RORA: variants seen among roughly 807,000 people sequenced by gnomAD.
RORA encodes the protein RAR related orphan receptor A.
Under a neutral mutation model 69.5 loss-of-function variants are expected in RORA, and 7 were observed. That is an observed-to-expected ratio of 0.10 (90% CI 0.06 to 0.19). The LOEUF (loss-of-function observed/expected upper bound fraction) is 0.19. RORA is among the 10% of genes least tolerant of loss of function. The probability of loss-of-function intolerance (pLI) is 1.00; values close to 1 mark genes in which losing one functional copy is unlikely to be tolerated. For synonymous variants in RORA, 261 were observed against 240.8 expected (o/e 1.08, Z -0.78); for missense variants, 457 against 663.0 (o/e 0.69, Z 3.41).
At chr15:61,044,413 C>T (rs1335271836) in intron 1 of RORA, among the ~76,000 whole-genome samples, 1 of 152,184 alleles carries the variant, frequency 6.6e-6, no homozygotes, top group Non-Finnish European at 1.5e-5. Flanking sequence ...TGTGCTAATA[C>T]AGTGGCTACC....
At chr15:60,947,097 T>C (rs1892911573) in intron 1 of RORA, among the ~76,000 whole-genome samples, 1 of 144,950 alleles carries the variant, frequency 6.9e-6, no homozygotes, top group Admixed American at 6.9e-5. Context: ...AGCCGCCCTG[T>C]CCGGGAGGGA....
In RORA at chr15:61,147,262, G is replaced by T. The variant is rs575443906; in HGVS notation, c.166+81791C>A. ...AAGAGAACCGTAAAGGTGGAAAGGG[G>T]CATTAAAGGAGCTCAGATGCCAGAC... On this transcript the variant is annotated intron_variant, in intron 1 of 10. Coordinates refer to ENST00000335670, the MANE Select transcript of RORA (RefSeq NM_134261.3). This position sits in a 1 kb window ranked among gnomAD's most constrained non-coding sequence, Gnocchi z 4.1. 5.9e-5 allele frequency among the ~76,000 whole-genome samples: 9 copies of T among 152,322 alleles called. No homozygotes were observed. In the South Asian group the frequency reaches 8.3e-4, roughly 14 times the overall value.
chr15:61,221,387 A>T (rs1365135371), intron 1 of RORA, among the ~76,000 whole-genome samples: 2 of 151,756 alleles, frequency 1.3e-5, no homozygotes, highest in Non-Finnish European at 2.9e-5. Flanking sequence ...CCCTCATTCT[A>T]TTTCACCTCT....
chr15:60,908,876 C>CT (rs1891621123), intron 1 of RORA, among the ~76,000 whole-genome samples: 9 of 151,442 alleles, frequency 5.9e-5, no homozygotes, highest in African/African-American at 2.2e-4. Flanking sequence ...TATTTCATTT[C>CT]ATTTTTTTTT....
At chr15:60,895,591 C>A (rs1333562906) in intron 1 of RORA, among the ~76,000 whole-genome samples, 1 of 149,404 alleles carries the variant, frequency 6.7e-6, no homozygotes, top group Non-Finnish European at 1.5e-5. Context: ...AGCTCGGCAT[C>A]TTGTGGGAGC....
At chr15:61,092,014 C>T (rs2078715102) in intron 1 of RORA, among the ~76,000 whole-genome samples, 1 of 152,046 alleles carries the variant, frequency 6.6e-6, no homozygotes, top group Non-Finnish European at 1.5e-5. Flanking sequence ...AACAATTGAA[C>T]AAACCAAGAT....
At chr15:60,924,054 T>G (rs1191743689) in intron 1 of RORA, among the ~76,000 whole-genome samples, 6 of 152,166 alleles carry the variant, frequency 3.9e-5, no homozygotes, top group African/African-American at 1.4e-4. Flanking sequence ...CACTGAAAAC[T>G]TCCCAAGTGG....
Position 61,066,418 on chromosome 15 carries a change from CTTTTTTTTTTTT to C in RORA, c.166+162623_166+162634del, listed in dbSNP as rs1168663714. On this transcript the variant is annotated intron_variant, in intron 1 of 10. Transcript: ENST00000335670. ...AATTGTGGGAAGACAGGGCATATTC[CTTTTTTTTTTTT>C]TTTTTTTTTTTTTGAGATGGAGTTT... is the stretch of plus-strand genomic sequence containing the variant. Among the ~76,000 whole-genome samples the C allele has an allele frequency of 5.9e-4, 48 of 80,972 alleles. 1 individual carries two copies. Among genetic ancestry groups the C allele is most frequent in the African/African-American group, 1.9e-3 (39 of 20,412 alleles). The allele number at this position is 80,972 out of a possible 152,430, so 53.1% of individuals were successfully genotyped here.
rs576337072 is a variant in RORA at position 61,189,958 on chromosome 15, G to A, written c.166+39095C>T. ...ATACCAAACTGCAAACAACCTACAT[G>A]TTTGTCAATAGGGATGAATAAATTA... On this transcript the variant is annotated intron_variant, in intron 1 of 10. Transcript: ENST00000335670. Among the ~76,000 whole-genome samples the A allele has an allele frequency of 2.0e-5, 3 of 147,862 alleles. No homozygotes were observed. The South Asian group carries it at 6.5e-4, about 32-fold the overall frequency.
intron 2 of RORA, among the ~76,000 whole-genome samples, chr15:60,605,580 C>T (rs1035170697): frequency 5.3e-5 from 8 of 152,060 alleles, no homozygotes; most frequent in East Asian, 1.9e-4. Flanking sequence ...TACAAAATTA[C>T]GATGATCAGA....
intron 2 of RORA, chr15:60,593,572 C>G (rs1390869081): frequency 6.6e-6 from 1 of 152,158 alleles, no homozygotes; most frequent in Non-Finnish European, 1.5e-5. Flanking sequence ...TTTTACAGGT[C>G]AATCTCTTTA....
chr15:60,777,779 C>T (rs2072193708), intron 1 of RORA, among the ~76,000 whole-genome samples: 1 of 152,174 alleles, frequency 6.6e-6, no homozygotes, highest in African/African-American at 2.4e-5. Context: ...AAACCGCAAT[C>T]TCGGCAGCAC....
At chr15:60,602,411 C>G (rs2068838335) in intron 2 of RORA, among the ~76,000 whole-genome samples, 1 of 152,040 alleles carries the variant, frequency 6.6e-6, no homozygotes, top group Non-Finnish European at 1.5e-5. Context: ...CTGGGTAATC[C>G]AAATCAAACA....
At chr15:60,787,417 G>A (rs904824415) in intron 1 of RORA, among the ~76,000 whole-genome samples, 6 of 152,334 alleles carry the variant, frequency 3.9e-5, no homozygotes, top group Non-Finnish European at 7.4e-5. Flanking sequence ...CTGCAACTGC[G>A]GTCAAGGTGG....
At chr15:60,789,535 A>C (rs341454) in intron 1 of RORA, among the ~76,000 whole-genome samples, 148 of 152,294 alleles carry the variant, frequency 9.7e-4, no homozygotes, top group African/African-American at 3.5e-3. Context: ...GACTATCCAT[A>C]CCGTTTCTTG....
chr15:60,568,876 A>G (rs2162069), intron 2 of RORA, among the ~76,000 whole-genome samples: 34,089 of 151,724 alleles, frequency 0.22, 6,787 homozygotes, highest in African/African-American at 0.54. Flanking sequence ...GACAAAGTGA[A>G]GTAGGTAAAA....
At chr15:60,620,565 A>G (rs1386119936) in intron 2 of RORA, among the ~76,000 whole-genome samples, 1 of 152,218 alleles carries the variant, frequency 6.6e-6, no homozygotes, top group Non-Finnish European at 1.5e-5. Context: ...GCTGAACTCA[A>G]TTACTGTCTG....
chr15:61,058,309 T>A (rs968757895), intron 1 of RORA, among the ~76,000 whole-genome samples: 1 of 152,208 alleles, frequency 6.6e-6, no homozygotes, highest in Non-Finnish European at 1.5e-5. Context: ...GGGGAGCTTC[T>A]GAGCCACTCT....
chr15:60,939,384 T>A (rs1328818116), intron 1 of RORA, among the ~76,000 whole-genome samples: 2 of 152,146 alleles, frequency 1.3e-5, no homozygotes, highest in Non-Finnish European at 2.9e-5. Context: ...CATCAGAGGC[T>A]TCATTTTGTA....
Sources: allele counts gnomAD v4.1 joint callset (sites outside exome capture counted in the v4.1 genomes callset), GRCh38; gene constraint gnomAD v4.1.1; non-coding constraint Gnocchi (gnomAD v3.1); transcripts MANE v1.5; gene names NCBI Gene and HGNC (gene_info 2026-07-23, HGNC 2026-07-21).